Variants in RXYLT1 observed in about 807,000 individuals in gnomAD.
The protein encoded by RXYLT1 is ribitol-5-phosphate xylosyltransferase 1.
RXYLT1 carries 41 observed loss-of-function variants against 43.5 expected under a neutral mutation model. That is an observed-to-expected ratio of 0.94 (90% confidence interval 0.73 to 1.22). The LOEUF (loss-of-function observed/expected upper bound fraction) is 1.22, where lower values mean the gene tolerates loss of function less well. RXYLT1 is among the 50% of genes most tolerant of loss of function. RXYLT1 has a pLI of 0.00. For missense variants in RXYLT1, 514 were observed against 532.0 expected (o/e 0.97, Z 0.33); for synonymous variants, 166 against 194.4 (o/e 0.85, Z 1.21).
chr12:63,789,238 C>T (rs1897870163), intron 3 of RXYLT1, among the ~76,000 whole-genome samples: 1 of 152,128 alleles, frequency 6.6e-6, no homozygotes, highest in South Asian at 2.1e-4. Flanking sequence ...AGTGTTGTGT[C>T]TCAGGGAATA....
intron 3 of RXYLT1, among the ~76,000 whole-genome samples, chr12:63,797,122 C>T (rs1216632131): frequency 1.3e-5 from 2 of 151,858 alleles, no homozygotes; most frequent in Non-Finnish European, 1.5e-5. Flanking sequence ...TGCCACCATG[C>T]CCAGCTAATT....
chr12:63,784,664 AAGAC>A (rs1002310937), intron 2 of RXYLT1, among the ~76,000 whole-genome samples: 1 of 152,234 alleles, frequency 6.6e-6, no homozygotes, highest in African/African-American at 2.4e-5. Flanking sequence ...ATTTCAGAAT[AAGAC>A]AGGTGGTAAA....
At chr12:63,790,171 G>A (rs1897891938) in intron 3 of RXYLT1, 3 of 152,136 alleles carry the variant, frequency 2.0e-5, no homozygotes, top group African/African-American at 7.2e-5. Flanking sequence ...AGAGCTGTCA[G>A]TCAGGCCATG....
chr12:63,780,389 T>C, intron 1 of RXYLT1: 1 of 1,272,960 alleles, frequency 7.9e-7, no homozygotes, highest in Middle Eastern at 3.0e-4. Context: ...AAACACGTGT[T>C]AAAATCCAAG....
chr12:63,785,839 C>G (rs763133323), intron 3 of RXYLT1, among the ~76,000 whole-genome samples: 13 of 152,034 alleles, frequency 8.6e-5, no homozygotes, highest in Non-Finnish European at 1.5e-4. Flanking sequence ...TCAGTCTTTT[C>G]TACAGAAATC....
intron 3 of RXYLT1, among the ~76,000 whole-genome samples, chr12:63,786,645 T>C (rs1389764711): frequency 5.3e-5 from 8 of 152,206 alleles, no homozygotes; most frequent in Non-Finnish European, 8.8e-5. Flanking sequence ...AATCAGTGTA[T>C]TGATGACTAA....
chr12:63,783,714 T>G (rs1897738343), intron 2 of RXYLT1, among the ~76,000 whole-genome samples: 1 of 152,208 alleles, frequency 6.6e-6, no homozygotes, highest in African/African-American at 2.4e-5. Flanking sequence ...TTTTAAGTAT[T>G]TGTTACAGTA....
In RXYLT1 at chr12:63,785,022, G is replaced by A; in HGVS notation, c.378G>A (p.Val126=). The change falls in exon 3 of 6, where the codon GTG becomes GTA. Residue 126 remains valine (V), a synonymous_variant. Coordinates refer to ENST00000261234, the MANE Select transcript of RXYLT1 (RefSeq NM_014254.3). The stretch of plus-strand genomic sequence containing the variant: ...AAGGCTTACTTGATCCCAGCGATGT[G>A]ACTGCTCAATGGAGAGAAGGAAAGT... ...IFEGLLDPSD[V]TAQWREGKSI... 6.2e-7 allele frequency: 1 copy of A among 1,613,944 alleles called. No individual in the cohort carries two copies. The highest frequency in any genetic ancestry group is 8.5e-7 in the Non-Finnish European group (1 of 1,179,852).
chr12:63,780,945 TAATTTAA>T (rs1331714187), intron 1 of RXYLT1, 67 bp from the exon 2 acceptor site: 1 of 1,261,720 alleles, frequency 7.9e-7, no homozygotes, highest in Non-Finnish European at 1.0e-6. Flanking sequence ...AACTAACACT[TAATTTAA>T]ATGATTTGAA....
chr12:63,781,262 C>T, intron 2 of RXYLT1, 88 bp downstream of exon 2: 1 of 1,269,942 alleles, frequency 7.9e-7, no homozygotes, highest in Non-Finnish European at 1.0e-6. Context: ...TAATTTATTT[C>T]ATAATTTGTT....
intron 3 of RXYLT1, among the ~76,000 whole-genome samples, chr12:63,785,914 ATTTAC>A (rs1289099250): frequency 1.3e-5 from 2 of 152,066 alleles, no homozygotes; most frequent in Non-Finnish European, 2.9e-5. Context: ...TTAATTCTTT[ATTTAC>A]TTTATATACA....
rs188655071 is a variant in RXYLT1 at position 63,785,017 on chromosome 12, G to C, written c.373G>C (p.Asp125His). 7.2e-5 allele frequency: 117 copies of C among 1,613,918 alleles called. No homozygotes were observed. The East Asian group carries it at 2.6e-3, about 35-fold the overall frequency. The stretch of plus-strand genomic sequence containing the variant: ...TTTTGAAGGCTTACTTGATCCCAGC[G>C]ATGTGACTGCTCAATGGAGAGAAGG... ...HIFEGLLDPS[D>H]VTAQWREGKS... Residue 125 changes from aspartate to histidine, a missense_variant, in exon 3 of 6, where the codon GAT (aspartate) becomes CAT (histidine). Physicochemically the swap from Asp to His is moderately conservative, Grantham distance 81. Transcript: ENST00000261234.
intron 3 of RXYLT1, among the ~76,000 whole-genome samples, chr12:63,797,396 T>G (rs978889561): frequency 1.3e-5 from 2 of 152,204 alleles, no homozygotes; most frequent in Non-Finnish European, 2.9e-5. Context: ...GTGGGGCCTA[T>G]CAACAAATGT....
intron 3 of RXYLT1, among the ~76,000 whole-genome samples, chr12:63,798,669 A>G (rs1483745519): frequency 2.6e-5 from 4 of 152,212 alleles, no homozygotes; most frequent in Admixed American, 6.5e-5. Context: ...ATTACCCTGC[A>G]TTTATTTGAA....
chr12:63,780,615 T>C (rs1452205820), intron 1 of RXYLT1, among the ~76,000 whole-genome samples: 1 of 152,208 alleles, frequency 6.6e-6, no homozygotes, highest in East Asian at 1.9e-4. Flanking sequence ...TATTCAGAAT[T>C]TTGCACGATA....
intron 3 of RXYLT1, among the ~76,000 whole-genome samples, chr12:63,787,945 A>T (rs1335566691): frequency 6.6e-6 from 1 of 152,134 alleles, no homozygotes; most frequent in Non-Finnish European, 1.5e-5. Context: ...GTATTTCTTA[A>T]ATAAGACTTG....
intron 3 of RXYLT1, among the ~76,000 whole-genome samples, chr12:63,800,649 A>G (rs1592852423): frequency 6.6e-6 from 1 of 152,186 alleles, no homozygotes; most frequent in African/African-American, 2.4e-5. Flanking sequence ...GGCTGAGCAC[A>G]GTGGCTCATA....
intron 4 of RXYLT1, chr12:63,804,816 T>C (rs1040012404): frequency 6.5e-6 from 1 of 154,824 alleles, no homozygotes; most frequent in African/African-American, 2.4e-5. Context: ...CATCTTCCTT[T>C]TCCCCATCCA....
chr12:63,782,522 C>T (rs767775808), intron 2 of RXYLT1: 2 of 456,230 alleles, frequency 4.4e-6, no homozygotes, highest in African/African-American at 4.0e-5. Flanking sequence ...TCATTGTGAC[C>T]TCTTGCTGTC....
Sources: gnomAD v4.1 joint callset for allele counts (sites outside exome capture counted in the v4.1 genomes callset) on GRCh38, gnomAD v4.1.1 for gene constraint, MANE v1.5 for transcripts, NCBI Gene and HGNC (gene_info 2026-07-23, HGNC 2026-07-21) for gene names.